Variants in MSANTD3 observed in about 807,000 individuals in gnomAD.
MSANTD3 encodes the protein myb/SANT-like DNA-binding domain-containing protein 3.
Under a neutral mutation model 27.7 loss-of-function variants are expected in MSANTD3, and 11 were observed. That is an observed-to-expected ratio of 0.40 (90% CI 0.25 to 0.66). The LOEUF is 0.66. Among genes scored for constraint, MSANTD3 ranks in the 30% least tolerant of loss-of-function variants. The probability of loss-of-function intolerance (pLI) is 0.41; values close to 1 mark genes in which losing one functional copy is unlikely to be tolerated. For synonymous variants in MSANTD3, 131 were observed against 127.2 expected (o/e 1.03, Z -0.20); for missense variants, 250 against 336.5 (o/e 0.74, Z 2.01).
At chr9:100,446,983 G>C (rs1019706346) in intron 2 of MSANTD3, among the ~76,000 whole-genome samples, 2 of 152,062 alleles carry the variant, frequency 1.3e-5, no homozygotes, top group African/African-American at 4.8e-5. Context: ...CCTGTTTACA[G>C]TTTCCTTCCC....
At chr9:100,431,530 T>C (rs1265825391) in intron 1 of MSANTD3, among the ~76,000 whole-genome samples, 1 of 142,926 alleles carries the variant, frequency 7.0e-6, no homozygotes, top group Non-Finnish European at 1.5e-5. Flanking sequence ...CTCAAACTTC[T>C]GGCATCAAGC....
intron 1 of MSANTD3, among the ~76,000 whole-genome samples, chr9:100,439,269 A>G (rs920162896): frequency 3.9e-5 from 6 of 152,136 alleles, no homozygotes; most frequent in African/African-American, 1.4e-4. Context: ...GCCATTCACA[A>G]CTACAGAAAC....
At position 100,450,611 on chromosome 9, in the gene MSANTD3, A is replaced by G. The variant is rs1305348028; in HGVS notation, c.473A>G (p.His158Arg). Residue 158 changes from histidine (H) to arginine (R), a missense_variant, in exon 3 of 3, where the codon CAT becomes CGT. Transcript: ENST00000395067. Reference sequence around the variant, plus strand: ...TGCGATGATGAGAAAGAGTTCATACATTTTCCAGTATGTGAGGGGACCTCT... The same window carrying G: ...TGCGATGATGAGAAAGAGTTCATACGTTTTCCAGTATGTGAGGGGACCTCT... ...ELCDDEKEFI[H>R]FPVCEGTSQP... 6.2e-7 allele frequency: 1 copy of G among 1,604,560 alleles called. No individual in the cohort carries two copies. Among genetic ancestry groups the G allele is most frequent in the East Asian group, 2.2e-5 (1 of 44,856 alleles).
rs1381767018 is a variant in MSANTD3, at chr9:100,448,149, C to T, written c.419-2408C>T. The T allele has an allele frequency of 1.4e-5, 13 of 912,890 alleles. No individual in the cohort carries two copies. In the East Asian group the frequency reaches 1.3e-3, roughly 93 times the overall value. 56.5% of individuals were successfully genotyped at this position (912,890 alleles called of 1,614,324 possible). A position where few individuals can be genotyped will look rare whatever the true frequency, so the allele number is the denominator to read the frequency against. On this transcript the variant is annotated intron_variant, in intron 2 of 2. Coordinates refer to ENST00000395067, the MANE Select transcript of MSANTD3 (RefSeq NM_080655.3). ...GAGATGGCAGTGAGCTGAGATCACG[C>T]CACTGCCCTCCAGCCTGGGTGACAG...
intron 1 of MSANTD3, among the ~76,000 whole-genome samples, chr9:100,437,952 T>G (rs1332463418): frequency 6.6e-6 from 1 of 152,210 alleles, no homozygotes; most frequent in Admixed American, 6.5e-5. Context: ...TTATCTGCTA[T>G]TATATTATTG....
chr9:100,438,708 C>T (rs1226027062), intron 1 of MSANTD3, among the ~76,000 whole-genome samples: 2 of 152,068 alleles, frequency 1.3e-5, no homozygotes, highest in Admixed American at 6.5e-5. Context: ...TTAAGCTGGA[C>T]ATAGACATCT....
chr9:100,440,079 C>T (rs966780688), intron 1 of MSANTD3, among the ~76,000 whole-genome samples: 2 of 152,080 alleles, frequency 1.3e-5, no homozygotes, highest in Admixed American at 6.5e-5. Flanking sequence ...ATGGGAATAG[C>T]GTGCAGTCCT....
chr9:100,437,712 A>G (rs1016176), intron 1 of MSANTD3, among the ~76,000 whole-genome samples: 21,549 of 152,208 alleles, frequency 0.14, 1,765 homozygotes, highest in Middle Eastern at 0.2. Flanking sequence ...TAGGCTATTA[A>G]TGGTCCCCAG....
intron 1 of MSANTD3, among the ~76,000 whole-genome samples, chr9:100,430,126 TGTGTGTG>T (rs1836337451): frequency 6.8e-6 from 1 of 147,710 alleles, no homozygotes; most frequent in African/African-American, 2.5e-5. Context: ...CTAGTTGCAG[TGTGTGTG>T]TAATTTGTAA....
intron 2 of MSANTD3, 101 bp from the exon 3 acceptor site, chr9:100,450,456 C>G (rs1468339361): frequency 9.3e-6 from 10 of 1,077,932 alleles, no homozygotes; most frequent in Admixed American, 6.4e-5. Flanking sequence ...ATTTTAGATA[C>G]ATCCTGTAAT....
intron 1 of MSANTD3, among the ~76,000 whole-genome samples, chr9:100,430,529 G>A (rs1485505400): frequency 2.0e-5 from 3 of 152,104 alleles, no homozygotes; most frequent in Admixed American, 6.5e-5. Flanking sequence ...GACTTTTATC[G>A]TTTAGGCAGT....
chr9:100,440,550 A>G (rs1420179629), intron 1 of MSANTD3, among the ~76,000 whole-genome samples: 1 of 151,506 alleles, frequency 6.6e-6, no homozygotes, highest in Admixed American at 6.6e-5. Flanking sequence ...TGAGGTTGCC[A>G]TTGCTCCAGG....
chr9:100,448,309 A>G, intron 2 of MSANTD3: 1 of 985,298 alleles, frequency 1.0e-6, no homozygotes. Flanking sequence ...TATCCCCTGG[A>G]ATGAAATCAA....
chr9:100,434,271 C>G (rs1024521237), intron 1 of MSANTD3, among the ~76,000 whole-genome samples: 1 of 152,120 alleles, frequency 6.6e-6, no homozygotes, highest in Non-Finnish European at 1.5e-5. Context: ...CACCTGTAAT[C>G]CTAATCCCAA....
intron 1 of MSANTD3, among the ~76,000 whole-genome samples, chr9:100,441,119 A>G (rs1175291404): frequency 6.6e-6 from 1 of 150,920 alleles, no homozygotes; most frequent in Non-Finnish European, 1.5e-5. Context: ...TATTTTTAGT[A>G]GAGATGGGGT....
Position 100,427,156 on chromosome 9 carries a change from A to C in MSANTD3, c.-271A>C, listed in dbSNP as rs1173346030. 1 of 147,384 alleles carries C rather than the reference A, an allele frequency of 6.8e-6. No homozygotes were observed. Among genetic ancestry groups the C allele is most frequent in the Non-Finnish European group, 1.5e-5 (1 of 66,420 alleles). 9.1% of individuals were successfully genotyped at this position (147,384 alleles called of 1,614,324 possible). On this transcript the variant is annotated 5_prime_UTR_variant, in exon 1 of 3. Transcript: ENST00000395067. Reference sequence around the variant, plus strand: ...GCTCCCGCCCTCCTCGGCGGCGCCGACGGACCGGCAGGCGGCGGGCGGTCC... The same window carrying C: ...GCTCCCGCCCTCCTCGGCGGCGCCGCCGGACCGGCAGGCGGCGGGCGGTCC...
At position 100,439,462 on chromosome 9, in the gene MSANTD3, C is replaced by G. The variant is rs895601492; in HGVS notation, c.-33-2444C>G. Among the ~76,000 whole-genome samples, 8 of 151,806 alleles carry G rather than the reference C, an allele frequency of 5.3e-5. No homozygotes were observed. The South Asian group carries it at 8.3e-4, about 16-fold the overall frequency. ...ATATGACCTTTGATTTCAAATTATT[C>G]CATTTTTGGCTTGTGGGGCTCTTTT... On this transcript the variant is annotated intron_variant, in intron 1 of 2. Coordinates refer to ENST00000395067, the MANE Select transcript of MSANTD3 (RefSeq NM_080655.3).
chr9:100,441,355 C>T (rs77327971), intron 1 of MSANTD3, among the ~76,000 whole-genome samples: 21,537 of 151,230 alleles, frequency 0.14, 1,765 homozygotes, highest in Middle Eastern at 0.2. Context: ...GAGTCTAGGC[C>T]GGGCGTGGTG....
chr9:100,434,820 C>T (rs1836443342), intron 1 of MSANTD3, among the ~76,000 whole-genome samples: 1 of 152,170 alleles, frequency 6.6e-6, no homozygotes, highest in Admixed American at 6.6e-5. Flanking sequence ...TGTCAGCGCT[C>T]TTTCTAGGCT....
Sources: gnomAD v4.1 joint callset for allele counts (sites outside exome capture counted in the v4.1 genomes callset) on GRCh38, gnomAD v4.1.1 for gene constraint, MANE v1.5 for transcripts, NCBI Gene and HGNC (gene_info 2026-07-23, HGNC 2026-07-21) for gene names.